The following PPP1R12B variants were observed in gnomAD, a reference collection of about 807,000 sequenced individuals.
PPP1R12B encodes the protein myosin phosphatase target subunit 2.
A neutral mutation model predicts 126.1 loss-of-function variants in PPP1R12B; 76 were observed. That is an observed-to-expected ratio of 0.60 (90% CI 0.50 to 0.73). PPP1R12B has a LOEUF of 0.73. Among genes scored for constraint, PPP1R12B ranks in the 30% least tolerant of loss-of-function variants. The pLI is 0.00. For missense variants in PPP1R12B, 1,052 were observed against 1,205.1 expected, an observed-to-expected ratio of 0.87 and a Z score of 1.88; for synonymous variants, 356 against 434.7, an observed-to-expected ratio of 0.82 and a Z score of 2.25.
chr1:202,585,516 T>G lies in PPP1R12B; in HGVS notation c.*4956T>G, dbSNP rs749279882. On this transcript the variant is annotated 3_prime_UTR_variant, in exon 24 of 24. Coordinates refer to ENST00000608999, the MANE Select transcript of PPP1R12B (RefSeq NM_002481.4). ...AAAATGAGGTTGGACTGGATAATCT[T>G]TATGTGCCCTTTCCTTTTGGCTTAA... 6.6e-6 allele frequency: 1 copy of G among 152,250 alleles called. No homozygotes were observed. The highest frequency in any genetic ancestry group is 1.5e-5 in the Non-Finnish European group (1 of 68,044). 9.4% of individuals were successfully genotyped at this position (152,250 alleles called of 1,614,324 possible).
chr1:202,418,848 G>T (rs1486148044), intron 2 of PPP1R12B, among the ~76,000 whole-genome samples: 1 of 151,838 alleles, frequency 6.6e-6, no homozygotes, highest in East Asian at 1.9e-4. Context: ...GTTCATTTCG[G>T]TTGCTTTACC....
chr1:202,395,962 C>T (rs1377861173), intron 1 of PPP1R12B, among the ~76,000 whole-genome samples: 1 of 152,210 alleles, frequency 6.6e-6, no homozygotes, highest in Non-Finnish European at 1.5e-5. Context: ...TCTGGAAACC[C>T]AGTCGTATGT....
chr1:202,543,732 C>T (rs963958029), intron 18 of PPP1R12B, among the ~76,000 whole-genome samples: 30 of 152,122 alleles, frequency 2.0e-4, no homozygotes, highest in African/African-American at 7.0e-4. Flanking sequence ...AGCGAAACTC[C>T]GTCTATAAAT....
At chr1:202,527,410 A>T (rs930740250) in intron 18 of PPP1R12B, 1 of 152,230 alleles carries the variant, frequency 6.6e-6, no homozygotes, top group Non-Finnish European at 1.5e-5. Flanking sequence ...GAGCCCCATC[A>T]GGGAGGGTAA....
intron 1 of PPP1R12B, among the ~76,000 whole-genome samples, chr1:202,391,479 A>G (rs1664154936): frequency 6.6e-6 from 1 of 152,154 alleles, no homozygotes; most frequent in African/African-American, 2.4e-5. Context: ...CAGTTCCTCA[A>G]ACAATTAAGC....
At position 202,440,727 on chromosome 1, in the gene PPP1R12B, A is replaced by G; in HGVS notation, c.1480A>G (p.Ile494Val). The change falls in exon 11 of 24, where the codon ATT becomes GTT. Residue 494 changes from isoleucine to valine, a missense_variant. Ile to Val is a conservative substitution (Grantham distance 29). Transcript: ENST00000608999. ...KDKERENKSY[I>V]SSLAPRKLNS... ...ACAGGAGAGAGAAAACAAAAGCTAT[A>G]TTAGTTCACTAGCACCCCGGAAGCT... is the stretch of plus-strand genomic sequence containing the variant. 6.2e-7 allele frequency: 1 copy of G among 1,613,790 alleles called. No homozygotes were observed. The highest frequency in any genetic ancestry group is 8.5e-7 in the Non-Finnish European group (1 of 1,179,690).
chr1:202,441,606 G>T lies in PPP1R12B; in HGVS notation c.1541+818G>T, dbSNP rs138690785. Among the ~76,000 whole-genome samples, 105 of 152,282 alleles carry T rather than the reference G, an allele frequency of 6.9e-4. No homozygotes were observed. In the East Asian group the frequency reaches 0.018, roughly 25 times the overall value. On this transcript the variant is annotated intron_variant, in intron 11 of 23. Coordinates refer to ENST00000608999, the MANE Select transcript of PPP1R12B (RefSeq NM_002481.4). ...GGATTGTTCTAGAGAACCTTGTGAA[G>T]CATGGAAACCCATAGGTTTTGCAAC...
At position 202,425,685 on chromosome 1, in the gene PPP1R12B, C is replaced by G. The variant is rs558790855; in HGVS notation, c.661C>G (p.Leu221Val). Residue 221 changes from leucine to valine, a missense_variant, in exon 4 of 24, where the codon CTT (leucine) becomes GTT (valine). Leu to Val is a conservative substitution (Grantham distance 32). Transcript: ENST00000608999. ...VRQARSGATA[L>V]HVAAAKGYSE... ...GCAGGCTCGCTCAGGGGCTACAGCC[C>G]TTCATGTGGCTGCTGCCAAGGGCTA... The G allele has an allele frequency of 1.2e-6, 2 of 1,613,918 alleles. No homozygotes were observed. The highest frequency in any genetic ancestry group is 1.7e-5 in the Admixed American group (1 of 60,010).
Position 202,560,573 on chromosome 1 carries a change from C to T in PPP1R12B, c.2507+1680C>T, listed in dbSNP as rs1263405024. Among the ~76,000 whole-genome samples, 12 of 152,280 alleles carry T rather than the reference C, an allele frequency of 7.9e-5. No homozygotes were observed. In the East Asian group the frequency reaches 1.9e-3, roughly 25 times the overall value. On this transcript the variant is annotated intron_variant, in intron 19 of 23. Transcript: ENST00000608999. ...GGATGACCAGAGGACACTCTCACGGCCATCTTGGTTTTGTGGGTTTTAGCC... is the reference window on the plus strand; with the variant it reads ...GGATGACCAGAGGACACTCTCACGGTCATCTTGGTTTTGTGGGTTTTAGCC...
At chr1:202,437,251 G>A (rs919833877) in intron 9 of PPP1R12B, among the ~76,000 whole-genome samples, 5 of 152,020 alleles carry the variant, frequency 3.3e-5, no homozygotes, top group African/African-American at 1.2e-4. Flanking sequence ...GGATTGCTTG[G>A]GCGCAGGAGG....
chr1:202,507,505 A>G (rs1680947703), intron 18 of PPP1R12B, among the ~76,000 whole-genome samples: 1 of 152,198 alleles, frequency 6.6e-6, no homozygotes, highest in African/African-American at 2.4e-5. Flanking sequence ...AAAATTGTCC[A>G]TAACCATCCA....
At position 202,580,767 on chromosome 1, in the gene PPP1R12B, A is replaced by G. The variant is rs1360473728; in HGVS notation, c.*207A>G. On this transcript the variant is annotated 3_prime_UTR_variant, in exon 24 of 24. Coordinates refer to ENST00000608999, the MANE Select transcript of PPP1R12B (RefSeq NM_002481.4). ...CTTCCAAACCCCTATCCCAAGTTTT[A>G]TGACAGTTTTAATTGAAGCATGATT... 3 of 524,552 alleles carry G rather than the reference A, an allele frequency of 5.7e-6. No individual in the cohort carries two copies. The highest frequency in any genetic ancestry group is 1.0e-5 in the Non-Finnish European group (3 of 288,300). The allele number at this position is 524,552 out of a possible 1,614,324, so 32.5% of individuals were successfully genotyped here. A position where few individuals can be genotyped will look rare whatever the true frequency, so the allele number is the denominator to read the frequency against.
chr1:202,422,449 A>G (rs1668928438), intron 2 of PPP1R12B, among the ~76,000 whole-genome samples, 171 bp from the exon 3 acceptor site: 1 of 152,258 alleles, frequency 6.6e-6, no homozygotes, highest in South Asian at 2.1e-4. Flanking sequence ...GGAAGCCTTC[A>G]GTCTTAATTA....
rs1253639089 is a variant in PPP1R12B, at chr1:202,348,919, T to C, written c.68T>C (p.Leu23Pro). 2.5e-6 allele frequency: 4 copies of C among 1,608,956 alleles called. No individual in the cohort carries two copies. In the South Asian group the frequency reaches 4.4e-5, roughly 18 times the overall value. The change falls in exon 1 of 24, where the codon CTT (leucine) becomes CCT (proline). Residue 23 changes from leucine (L) to proline (P), a missense_variant. Coordinates refer to ENST00000608999, the MANE Select transcript of PPP1R12B (RefSeq NM_002481.4). The part of the protein sequence containing the change: ...ESARMRRAEQ[L>P]RRWRGSLTEQ... Reference sequence around the variant, plus strand: ...GCGCGAATGCGGCGGGCAGAGCAGCTTCGGCGCTGGCGGGGCTCGCTGACA... The same window carrying C: ...GCGCGAATGCGGCGGGCAGAGCAGCCTCGGCGCTGGCGGGGCTCGCTGACA...
chr1:202,415,473 G>T (rs1667947226), intron 1 of PPP1R12B, among the ~76,000 whole-genome samples: 1 of 152,156 alleles, frequency 6.6e-6, no homozygotes, highest in Admixed American at 6.5e-5. Context: ...GGATTAAAAG[G>T]CAAGTTTTAA....
At chr1:202,526,153 A>G (rs1683324196) in intron 18 of PPP1R12B, among the ~76,000 whole-genome samples, 1 of 152,374 alleles carries the variant, frequency 6.6e-6, no homozygotes, top group Non-Finnish European at 1.5e-5. Flanking sequence ...ATTTGACTTC[A>G]AATAGAAGCA....
chr1:202,519,878 G>T (rs1167284820), intron 18 of PPP1R12B, among the ~76,000 whole-genome samples: 1 of 152,174 alleles, frequency 6.6e-6, no homozygotes, highest in Non-Finnish European at 1.5e-5. Flanking sequence ...TGGGACTTGT[G>T]TGGAGGGTTT....
At chr1:202,429,200 T>C (rs1488855282) in intron 6 of PPP1R12B, among the ~76,000 whole-genome samples, 1 of 152,244 alleles carries the variant, frequency 6.6e-6, no homozygotes, top group East Asian at 1.9e-4. Flanking sequence ...TAATTACCCT[T>C]GAGTTCTAGA....
rs1384677574 is a variant in PPP1R12B, at chr1:202,348,954, C to A, written c.103C>A (p.Pro35Thr). The A allele has an allele frequency of 1.2e-6, 2 of 1,602,386 alleles. No homozygotes were observed. ...RWRGSLTEQE[P>T]AERRGAGRQP... ...GCGGGGCTCGCTGACAGAGCAGGAG[C>A]CTGCGGAGCGACGAGGCGCGGGGCG... The change falls in exon 1 of 24, where the codon CCT (proline) becomes ACT (threonine). Residue 35 changes from proline to threonine, a missense_variant. Physicochemically the swap from Pro to Thr is conservative, Grantham distance 38. Transcript: ENST00000608999.
Sources: allele counts gnomAD v4.1 joint callset (sites outside exome capture counted in the v4.1 genomes callset), GRCh38; gene constraint gnomAD v4.1.1; transcripts MANE v1.5; gene names NCBI Gene and HGNC (gene_info 2026-07-23, HGNC 2026-07-21).